NUGGC: variants seen among roughly 807,000 people sequenced by gnomAD.
NUGGC encodes nuclear GTPase SLIP-GC.
Under a neutral mutation model 92.6 loss-of-function variants are expected in NUGGC, and 58 were observed. The observed-to-expected ratio is 0.63, with a 90% confidence interval of 0.51 to 0.78. The LOEUF (loss-of-function observed/expected upper bound fraction) is 0.78. Ranked by LOEUF, NUGGC falls within the 30% of genes least tolerant of loss-of-function variation. The pLI, the probability that NUGGC is intolerant of heterozygous loss-of-function variation, is 0.00. For missense variants in NUGGC, 925 were observed against 964.6 expected, an observed-to-expected ratio of 0.96 and a Z score of 0.54; for synonymous variants, 376 against 366.4, an observed-to-expected ratio of 1.03 and a Z score of -0.30.
chr8:28,036,443 G>A (rs1261787755), intron 13 of NUGGC, among the ~76,000 whole-genome samples: 2 of 151,978 alleles, frequency 1.3e-5, no homozygotes, highest in African/African-American at 2.4e-5. Flanking sequence ...TTCCATGCAA[G>A]TGACAGCTAC....
intron 17 of NUGGC, among the ~76,000 whole-genome samples, chr8:28,027,322 C>T (rs529922750): frequency 1.2e-4 from 18 of 152,308 alleles, no homozygotes; most frequent in Admixed American, 9.1e-4. Context: ...GCTCTGGTGC[C>T]AGCTGATCAA....
chr8:28,023,792 C>T (rs1809180164), intron 18 of NUGGC, among the ~76,000 whole-genome samples: 1 of 152,190 alleles, frequency 6.6e-6, no homozygotes, highest in South Asian at 2.1e-4. Context: ...CCCCTCTTCC[C>T]CCCACCCCAA....
chr8:28,048,963 A>G (rs1433873602), intron 10 of NUGGC, among the ~76,000 whole-genome samples: 3 of 152,024 alleles, frequency 2.0e-5, no homozygotes, highest in African/African-American at 7.2e-5. Context: ...CTAGAATCAT[A>G]TAGAAATAGC....
intron 1 of NUGGC, among the ~76,000 whole-genome samples, chr8:28,081,795 T>C (rs936967542): frequency 2.0e-5 from 3 of 151,912 alleles, no homozygotes; most frequent in Non-Finnish European, 2.9e-5. Flanking sequence ...GAGGAATCGC[T>C]TGAACCCGGG....
At chr8:28,075,390 G>T (rs1384166763) in intron 1 of NUGGC, among the ~76,000 whole-genome samples, 2 of 152,182 alleles carry the variant, frequency 1.3e-5, no homozygotes, top group African/African-American at 4.8e-5. Context: ...AGCAGATAGG[G>T]CTTGGACATA....
chr8:28,070,524 G>A lies in NUGGC; in HGVS notation c.44-168C>T, dbSNP rs544537625. ...TTACATGCCTGGGAGGCCAAGGTGG[G>A]AGGATTGCTTGAGGTCAGGAGTTCG... On this transcript the variant is annotated intron_variant, in intron 2 of 18. Coordinates refer to ENST00000413272, the MANE Select transcript of NUGGC (RefSeq NM_001010906.2). Among the ~76,000 whole-genome samples the A allele has an allele frequency of 7.4e-4, 112 of 151,974 alleles. 1 individual carries two copies. The highest frequency in any genetic ancestry group is 2.6e-3 in the African/African-American group (107 of 41,464).
At chr8:28,066,038 G>A (rs1291734840) in intron 6 of NUGGC, among the ~76,000 whole-genome samples, 1 of 152,266 alleles carries the variant, frequency 6.6e-6, no homozygotes, top group South Asian at 2.1e-4. Context: ...CCCTGAATTT[G>A]TAAGCCCACT....
intron 1 of NUGGC, among the ~76,000 whole-genome samples, chr8:28,083,025 A>ATAG (rs1208230625): frequency 2.0e-5 from 3 of 152,210 alleles, no homozygotes; most frequent in Non-Finnish European, 4.4e-5. Context: ...TGTCCCATAT[A>ATAG]CAGAAGAATT....
At chr8:28,047,107 A>AT (rs1809858607) in intron 11 of NUGGC, among the ~76,000 whole-genome samples, 1 of 151,806 alleles carries the variant, frequency 6.6e-6, no homozygotes, top group Non-Finnish European at 1.5e-5. Context: ...AGTAGCTGAG[A>AT]TTATAGGCAT....
chr8:28,065,934 A>G (rs1810429912), intron 6 of NUGGC, among the ~76,000 whole-genome samples: 1 of 152,240 alleles, frequency 6.6e-6, no homozygotes, highest in South Asian at 2.1e-4. Context: ...CAGGGGCTTG[A>G]AAAGCCCCTT....
chr8:28,029,573 A>C (rs1358767364), intron 16 of NUGGC, among the ~76,000 whole-genome samples, 171 bp from the exon 17 acceptor site: 3 of 151,774 alleles, frequency 2.0e-5, no homozygotes, highest in Non-Finnish European at 4.4e-5. Flanking sequence ...ACATGGTGAA[A>C]CCCCCATCTC....
intron 10 of NUGGC, among the ~76,000 whole-genome samples, chr8:28,051,710 G>T (rs1314077194): frequency 6.6e-6 from 1 of 152,216 alleles, no homozygotes; most frequent in East Asian, 1.9e-4. Context: ...ATCACCTGAG[G>T]TCGGGAGTTT....
chr8:28,081,840 T>C (rs1353077180), intron 1 of NUGGC, among the ~76,000 whole-genome samples: 1 of 150,012 alleles, frequency 6.7e-6, no homozygotes, highest in Non-Finnish European at 1.5e-5. Context: ...ATCATGCCAC[T>C]GCACTCCAGC....
chr8:28,051,330 G>A (rs919631090), intron 10 of NUGGC, among the ~76,000 whole-genome samples: 1 of 152,168 alleles, frequency 6.6e-6, no homozygotes, highest in South Asian at 2.1e-4. Flanking sequence ...GTGACACATT[G>A]AGCATCAGAA....
chr8:28,023,683 C>G (rs1279003809), intron 18 of NUGGC, among the ~76,000 whole-genome samples: 1 of 152,156 alleles, frequency 6.6e-6, no homozygotes, highest in South Asian at 2.1e-4. Flanking sequence ...TAAGAAAAAC[C>G]CTGAGAAGTC....
chr8:28,037,064 A>C (rs749138918), intron 13 of NUGGC, among the ~76,000 whole-genome samples: 5 of 152,154 alleles, frequency 3.3e-5, no homozygotes, highest in Admixed American at 2.0e-4. Context: ...TGCCCAGAGA[A>C]AGAGTAAAGC....
At chr8:28,034,298 G>A (rs1809498880) in intron 13 of NUGGC, among the ~76,000 whole-genome samples, 1 of 152,152 alleles carries the variant, frequency 6.6e-6, no homozygotes, top group African/African-American at 2.4e-5. Context: ...TATAAAGCTA[G>A]ACCTATGAGA....
chr8:28,051,879 G>A (rs1293270729), intron 10 of NUGGC, among the ~76,000 whole-genome samples: 11 of 151,900 alleles, frequency 7.2e-5, no homozygotes, highest in African/African-American at 1.9e-4. Flanking sequence ...CCAAGATAGC[G>A]CCATTGCACT....
chr8:28,048,163 C>T (rs1809888801), intron 10 of NUGGC, among the ~76,000 whole-genome samples: 1 of 152,210 alleles, frequency 6.6e-6, no homozygotes, highest in African/African-American at 2.4e-5. Context: ...TTCCAGCTGA[C>T]ATGTGACCAC....
Sources: allele counts gnomAD v4.1 joint callset (sites outside exome capture counted in the v4.1 genomes callset), GRCh38; gene constraint gnomAD v4.1.1; transcripts MANE v1.5; gene names NCBI Gene and HGNC (gene_info 2026-07-23, HGNC 2026-07-21).